Variants in ASXL1 observed in about 807,000 individuals in gnomAD.
ASXL1 encodes polycomb group protein ASXL1.
Under a neutral mutation model 89.1 loss-of-function variants are expected in ASXL1, and 65 were observed. The ratio of observed to expected loss-of-function variants is 0.73; its 90% CI spans 0.60 to 0.90. ASXL1 has a LOEUF of 0.90. ASXL1 is among the 40% of genes least tolerant of loss of function. ASXL1 has a pLI of 0.00. For missense variants in ASXL1, 1,786 were observed against 1,942.9 expected, an observed-to-expected ratio of 0.92 and a Z score of 1.52; for synonymous variants, 739 against 746.9, an observed-to-expected ratio of 0.99 and a Z score of 0.17.
chr20:32,418,857 G>A (rs2049187449), intron 4 of ASXL1, among the ~76,000 whole-genome samples: 1 of 91,620 alleles, frequency 1.1e-5, no homozygotes, highest in Non-Finnish European at 1.9e-5. Context: ...TTTTGAGACG[G>A]AGTCTTGCTC....
chr20:32,421,087 A>AG (rs1380546986), intron 4 of ASXL1, among the ~76,000 whole-genome samples: 5 of 146,482 alleles, frequency 3.4e-5, no homozygotes, highest in African/African-American at 1.3e-4. Flanking sequence ...GGGAAAGGGG[A>AG]GGGAGAGCAT....
At position 32,436,718 on chromosome 20, in the gene ASXL1, G is replaced by A; in HGVS notation, c.4006G>A (p.Gly1336Arg). The stretch of plus-strand genomic sequence containing the variant: ...TGAGATCCCTCCAGTTTTTCCCAGT[G>A]GGAAGTTGGGACCAAGCACAAACTC... ...PAEIPPVFPS[G>R]KLGPSTNSMS... The change falls in exon 13 of 13, where the codon GGG (glycine) becomes AGG (arginine). Residue 1336 changes from glycine to arginine, a missense_variant. Physicochemically the swap from Gly to Arg is moderately radical, Grantham distance 125. This residue lies in a region of ASXL1 where 1,418 missense variants were observed against 1,427.8 expected (regional missense o/e 0.99). Coordinates refer to ENST00000375687, the MANE Select transcript of ASXL1 (RefSeq NM_015338.6). The A allele has an allele frequency of 6.2e-7, 1 of 1,614,036 alleles. No homozygotes were observed. Among genetic ancestry groups the A allele is most frequent in the Non-Finnish European group, 8.5e-7 (1 of 1,180,040 alleles).
intron 4 of ASXL1, among the ~76,000 whole-genome samples, chr20:32,370,033 A>G (rs1449401406): frequency 6.6e-6 from 1 of 152,086 alleles, no homozygotes; most frequent in Admixed American, 6.6e-5. Flanking sequence ...ATGTGCCTTA[A>G]TTAGGATTTT....
At chr20:32,384,027 G>A (rs2048533817) in intron 4 of ASXL1, among the ~76,000 whole-genome samples, 1 of 152,122 alleles carries the variant, frequency 6.6e-6, no homozygotes. Flanking sequence ...TGTGTGAAGA[G>A]TAAGTCAGCT....
At position 32,436,414 on chromosome 20, in the gene ASXL1, G is replaced by A. The variant is rs1398190307; in HGVS notation, c.3702G>A (p.Gln1234=). 1.2e-6 allele frequency: 2 copies of A among 1,613,958 alleles called. No homozygotes were observed. The highest frequency in any genetic ancestry group is 2.2e-5 in the East Asian group (1 of 44,890). Reference sequence around the variant, plus strand: ...TGGAAGAAATGGATTCCAAAGAGCAGTTCTCTTCCTTTAGTTGTGAAGATC... The same window carrying A: ...TGGAAGAAATGGATTCCAAAGAGCAATTCTCTTCCTTTAGTTGTGAAGATC... ...RKLEEMDSKE[Q]FSSFSCEDQK... Residue 1234 remains glutamine (Q), a synonymous_variant, in exon 13 of 13, where the codon CAG becomes CAA. Coordinates refer to ENST00000375687, the MANE Select transcript of ASXL1 (RefSeq NM_015338.6).
At chr20:32,412,723 A>ATT (rs35620296) in intron 4 of ASXL1, among the ~76,000 whole-genome samples, 3,579 of 138,558 alleles carry the variant, frequency 0.026, 118 homozygotes, top group Admixed American at 0.088. Context: ...TGGCTGGCTA[A>ATT]TTTTTTTTTT....
rs757864386 is a variant in ASXL1 at position 32,366,367 on chromosome 20, C to A, written c.58-17C>A. 18 of 1,586,766 alleles carry A rather than the reference C, an allele frequency of 1.1e-5. No homozygotes were observed. Among genetic ancestry groups the A allele is most frequent in the Non-Finnish European group, 1.4e-5 (16 of 1,155,276 alleles). On this transcript the variant is annotated splice_polypyrimidine_tract_variant and intron_variant, in intron 1 of 12. Coordinates refer to ENST00000375687, the MANE Select transcript of ASXL1 (RefSeq NM_015338.6). ...TGGAAATTGCACACTGAAATTAGGA[C>A]GTTTATATTTCTTCAGGTATTAGAA...
chr20:32,404,592 C>G (rs751191158), intron 4 of ASXL1, among the ~76,000 whole-genome samples: 5 of 152,030 alleles, frequency 3.3e-5, no homozygotes, highest in Non-Finnish European at 5.9e-5. Context: ...TTAATAGGGC[C>G]GGTTTAATAT....
Position 32,439,262 on chromosome 20 carries a change from A to G in ASXL1, c.*1924A>G, listed in dbSNP as rs1349776372. Reference sequence around the variant, plus strand: ...TCTGGTCCATGAGGCTGCCCAGAGAAAGCACTGCTTCTGTATGTCTCTTGT... The same window carrying G: ...TCTGGTCCATGAGGCTGCCCAGAGAGAGCACTGCTTCTGTATGTCTCTTGT... On this transcript the variant is annotated 3_prime_UTR_variant, in exon 13 of 13. Transcript: ENST00000375687. The G allele has an allele frequency of 4.3e-6, 1 of 233,062 alleles. No homozygotes were observed. Among genetic ancestry groups the G allele is most frequent in the Non-Finnish European group, 8.5e-6 (1 of 117,752 alleles). 14.4% of individuals were successfully genotyped at this position (233,062 alleles called of 1,614,324 possible). A position where few individuals can be genotyped will look rare whatever the true frequency, so the allele number is the denominator to read the frequency against.
Position 32,431,683 on chromosome 20 carries a change from T to C in ASXL1, c.979+4T>C, listed in dbSNP as rs2011518896. The C allele has an allele frequency of 1.2e-6, 2 of 1,612,346 alleles. No homozygotes were observed. Among genetic ancestry groups the C allele is most frequent in the Admixed American group, 1.7e-5 (1 of 59,994 alleles). ...TGGCGGGAGCGCCTGGCTGATGGTA[T>C]GTAGACTTGGTCATCTCGGACGGCT... On this transcript the variant is annotated splice_donor_region_variant and intron_variant, in intron 10 of 12. Transcript: ENST00000375687.
chr20:32,366,662 T>G, intron 2 of ASXL1, 196 bp downstream of exon 2: 2 of 779,504 alleles, frequency 2.6e-6, no homozygotes, highest in Non-Finnish European at 1.6e-6. Context: ...TTTGTTTTCA[T>G]TTAGAGGTGC....
At chr20:32,421,073 T>TG (rs2049237494) in intron 4 of ASXL1, among the ~76,000 whole-genome samples, 2 of 50,612 alleles carry the variant, frequency 4.0e-5, no homozygotes, top group Non-Finnish European at 7.7e-5. Context: ...TGTTGGGGGG[T>TG]GGGGGGAAAG....
In ASXL1 at chr20:32,435,256, A is replaced by T. The variant is rs142836262; in HGVS notation, c.2544A>T (p.Thr848=). 2.9e-4 allele frequency: 464 copies of T among 1,614,120 alleles called. 1 individual carries two copies. The highest frequency in any genetic ancestry group is 3.8e-4 in the Non-Finnish European group (446 of 1,180,030). ...CTGTAAATGTGACCCCCAGTTCCAC[A>T]CCTGAATCCTCACCGACTGATTGCC... ...KDPVNVTPSS[T]PESSPTDCLQ... is the part of the protein sequence containing the mutation. The change falls in exon 13 of 13, where the codon ACA becomes ACT. Residue 848 remains threonine, a synonymous_variant. Transcript: ENST00000375687.
At chr20:32,359,104 C>T in intron 1 of ASXL1, 1 of 599,066 alleles carries the variant, frequency 1.7e-6, no homozygotes, top group Non-Finnish European at 3.0e-6. Context: ...CCGGCTCCTC[C>T]CACTCTGGGC....
chr20:32,397,787 T>A (rs1331476918), intron 4 of ASXL1, among the ~76,000 whole-genome samples: 3 of 152,240 alleles, frequency 2.0e-5, no homozygotes. Flanking sequence ...AAAGCTGTCC[T>A]GGGCTGTGTG....
At chr20:32,398,603 G>GTTTTTTTTTTTTTTTTTTTTTT (rs375341392) in intron 4 of ASXL1, among the ~76,000 whole-genome samples, 3 of 126,448 alleles carry the variant, frequency 2.4e-5, no homozygotes, top group Non-Finnish European at 3.2e-5. Flanking sequence ...TTTTTTGTTT[G>GTTTTTTTTTTTTTTTTTTTTTT]TTTTTTTTTT....
intron 4 of ASXL1, among the ~76,000 whole-genome samples, chr20:32,405,464 C>G (rs1490895804): frequency 6.6e-6 from 1 of 152,148 alleles, no homozygotes; most frequent in Non-Finnish European, 1.5e-5. Flanking sequence ...ACAATACATT[C>G]ATAAAATTCA....
Position 32,436,756 on chromosome 20 carries a change from G to A in ASXL1, c.4044G>A (p.Gly1348=), listed in dbSNP as rs2145391484. ...LGPSTNSMSG[G]VQTPREDWAP... ...CAAGCACAAACTCCATGTCTGGTGG[G>A]GTACAGACTCCAAGGGAAGACTGGG... The change falls in exon 13 of 13, where the codon GGG becomes GGA. Residue 1348 remains glycine, a synonymous_variant. Transcript: ENST00000375687. 1 of 1,614,158 alleles carries A rather than the reference G, an allele frequency of 6.2e-7. No homozygotes were observed. Among genetic ancestry groups the A allele is most frequent in the Admixed American group, 1.7e-5 (1 of 60,030 alleles).
chr20:32,382,234 C>T (rs1283400326), intron 4 of ASXL1, among the ~76,000 whole-genome samples: 3 of 151,982 alleles, frequency 2.0e-5, no homozygotes, highest in Admixed American at 6.6e-5. Flanking sequence ...CTTGACCTCC[C>T]GAAGTCCTGG....
Sources: allele counts gnomAD v4.1 joint callset (sites outside exome capture counted in the v4.1 genomes callset), GRCh38; gene constraint gnomAD v4.1.1; regional missense constraint gnomAD v4.1.1; transcripts MANE v1.5; gene names NCBI Gene and HGNC (gene_info 2026-07-23, HGNC 2026-07-21).